CADPS: variants seen among roughly 807,000 people sequenced by gnomAD.
CADPS encodes calcium dependent secretion activator.
A neutral mutation model predicts 167.3 loss-of-function variants in CADPS; 57 were observed. That is an observed-to-expected ratio of 0.34 (90% CI 0.28 to 0.42). The LOEUF is 0.42. CADPS is among the 20% of genes least tolerant of loss of function. The pLI is 1.00. For missense variants in CADPS, 1,414 were observed against 1,738.1 expected, an observed-to-expected ratio of 0.81 and a Z score of 3.32; for synonymous variants, 676 against 635.3, an observed-to-expected ratio of 1.06 and a Z score of -0.96.
rs1426252047 is a variant in CADPS, at chr3:62,458,931, TTTCTC to T, written c.3636+6431_3636+6435del. On this transcript the variant is annotated intron_variant, in intron 26 of 29. Transcript: ENST00000383710. The surrounding 1 kb of genome is among the most constrained non-coding windows in gnomAD (Gnocchi z 4.6). The stretch of plus-strand genomic sequence containing the variant: ...AATAGTTAACTTTGGATACTTATCT[TTTCTC>T]TTCTGTAAAGCTTCTGAAGGGTTGC... 1.3e-5 allele frequency among the ~76,000 whole-genome samples: 2 copies of T among 152,252 alleles called. No individual in the cohort carries two copies. Among genetic ancestry groups the T allele is most frequent in the Admixed American group, 6.5e-5 (1 of 15,284 alleles).
At chr3:62,660,683 G>A (rs959050355) in intron 4 of CADPS, among the ~76,000 whole-genome samples, 5 of 151,992 alleles carry the variant, frequency 3.3e-5, no homozygotes, top group South Asian at 2.1e-4. Context: ...CCTCCCTGCT[G>A]TTTCTAATAA....
chr3:62,489,282 T>A (rs1348245121), intron 21 of CADPS, among the ~76,000 whole-genome samples: 1 of 152,068 alleles, frequency 6.6e-6, no homozygotes, highest in Non-Finnish European at 1.5e-5. Context: ...TGCCTCAGCC[T>A]CCCGAGTAGC....
chr3:62,503,980 G>C (rs1381026193), intron 17 of CADPS, among the ~76,000 whole-genome samples: 1 of 152,080 alleles, frequency 6.6e-6, no homozygotes, highest in East Asian at 1.9e-4. Context: ...TTCTTGGTTT[G>C]CTTGAATTTT....
chr3:62,590,901 C>T (rs56282179), intron 7 of CADPS, among the ~76,000 whole-genome samples: 15,508 of 152,116 alleles, frequency 0.1, 1,103 homozygotes, highest in South Asian at 0.19. Context: ...GTTGCCCAGG[C>T]TAGAGTGCAA....
chr3:62,593,722 T>C (rs1224416273), intron 6 of CADPS, among the ~76,000 whole-genome samples: 1 of 152,210 alleles, frequency 6.6e-6, no homozygotes, highest in Non-Finnish European at 1.5e-5. Context: ...TTCACTGGGC[T>C]ATGTCTTTTG....
intron 26 of CADPS, among the ~76,000 whole-genome samples, chr3:62,460,736 G>C (rs569566528): frequency 6.7e-4 from 102 of 152,288 alleles, no homozygotes; most frequent in South Asian, 2.5e-3. Flanking sequence ...AAACATATCT[G>C]TTTTGTTTCA....
intron 1 of CADPS, among the ~76,000 whole-genome samples, chr3:62,776,129 C>T (rs1339950924): frequency 2.6e-5 from 4 of 152,160 alleles, no homozygotes; most frequent in African/African-American, 7.2e-5. Flanking sequence ...TCCAGAACCA[C>T]TGCTGTAGTG....
intron 1 of CADPS, among the ~76,000 whole-genome samples, chr3:62,774,287 TA>T (rs950618229): frequency 2.7e-5 from 4 of 149,074 alleles, no homozygotes; most frequent in African/African-American, 7.4e-5. Flanking sequence ...CCGATAACAT[TA>T]AAAAAAAAGA....
At chr3:62,864,875 A>G (rs62242420) in intron 1 of CADPS, among the ~76,000 whole-genome samples, 6,664 of 152,112 alleles carry the variant, frequency 0.044, 230 homozygotes, top group Middle Eastern at 0.085. Flanking sequence ...GTGTATCTCA[A>G]CTTCTCAACC....
intron 11 of CADPS, among the ~76,000 whole-genome samples, chr3:62,538,721 G>C (rs746155504): frequency 2.0e-5 from 3 of 152,128 alleles, no homozygotes; most frequent in Non-Finnish European, 4.4e-5. Context: ...TCAGAGAGAA[G>C]GGGGCTCTTT....
intron 21 of CADPS, among the ~76,000 whole-genome samples, chr3:62,488,951 G>A (rs980848032): frequency 3.3e-5 from 5 of 152,062 alleles, no homozygotes; most frequent in African/African-American, 4.8e-5. Flanking sequence ...GTTATTATTC[G>A]CAACTATTAT....
At chr3:62,495,321 T>C (rs897626003) in intron 18 of CADPS, among the ~76,000 whole-genome samples, 21 of 152,318 alleles carry the variant, frequency 1.4e-4, no homozygotes, top group Admixed American at 9.2e-4. Context: ...AAAATGATTC[T>C]AGCAAGGGCA....
chr3:62,527,293 A>G (rs1369359265), intron 13 of CADPS, among the ~76,000 whole-genome samples: 1 of 152,124 alleles, frequency 6.6e-6, no homozygotes, highest in Non-Finnish European at 1.5e-5. Context: ...TGGCACTATT[A>G]ACATTTTTGG....
At chr3:62,434,202 A>T (rs1448420600) in intron 28 of CADPS, among the ~76,000 whole-genome samples, 1 of 152,196 alleles carries the variant, frequency 6.6e-6, no homozygotes, top group Non-Finnish European at 1.5e-5. Flanking sequence ...TTGTTTCAAA[A>T]TGTTATAAAC....
chr3:62,473,877 C>T (rs940988983), intron 24 of CADPS: 3 of 260,162 alleles, frequency 1.2e-5, no homozygotes, highest in East Asian at 7.7e-5. Context: ...CAGATCTGTT[C>T]GAGACACCAG....
At chr3:62,462,943 C>T (rs982226704) in intron 26 of CADPS, among the ~76,000 whole-genome samples, 1 of 152,154 alleles carries the variant, frequency 6.6e-6, no homozygotes, top group Non-Finnish European at 1.5e-5. Context: ...AGAACACGGG[C>T]TGCAAATGAT....
intron 27 of CADPS, chr3:62,440,500 C>G (rs1170106685): frequency 4.7e-5 from 6 of 128,034 alleles, no homozygotes; most frequent in African/African-American, 1.8e-4. Context: ...ATGATTCCCC[C>G]CCCCCCCCAT....
At chr3:62,821,032 C>T (rs1016657036) in intron 1 of CADPS, among the ~76,000 whole-genome samples, 1 of 152,090 alleles carries the variant, frequency 6.6e-6, no homozygotes, top group African/African-American at 2.4e-5. Context: ...ATCTCTTGAC[C>T]TTCTGATCTA....
intron 1 of CADPS, among the ~76,000 whole-genome samples, chr3:62,831,291 G>A (rs2075037761): frequency 6.6e-6 from 1 of 152,146 alleles, no homozygotes. Context: ...AATAGAGAGA[G>A]GTGAAATAAC....
Sources: gnomAD v4.1 joint callset for allele counts (sites outside exome capture counted in the v4.1 genomes callset) on GRCh38, gnomAD v4.1.1 for gene constraint, Gnocchi (gnomAD v3.1) non-coding constraint, MANE v1.5 for transcripts, NCBI Gene and HGNC (gene_info 2026-07-23, HGNC 2026-07-21) for gene names.